The following MAP2K5 variants were observed in gnomAD, a reference collection of about 807,000 sequenced individuals.
MAP2K5 encodes dual specificity mitogen-activated protein kinase kinase 5.
MAP2K5 carries 49 observed loss-of-function variants against 83.1 expected under a neutral mutation model. The ratio of observed to expected loss-of-function variants is 0.59; its 90% CI spans 0.47 to 0.75. The LOEUF is 0.75. Ranked by LOEUF, MAP2K5 falls within the 30% of genes least tolerant of loss-of-function variation. MAP2K5 has a pLI of 0.00. For missense variants in MAP2K5, 457 were observed against 557.5 expected (o/e 0.82, Z 1.82); for synonymous variants, 202 against 191.8 (o/e 1.05, Z -0.44).
chr15:67,689,151 A>C (rs1228982735), intron 13 of MAP2K5, among the ~76,000 whole-genome samples: 1 of 152,170 alleles, frequency 6.6e-6, no homozygotes, highest in Non-Finnish European at 1.5e-5. Context: ...TTGACTCGGG[A>C]GGCTGAGGCA....
intron 9 of MAP2K5, chr15:67,641,553 G>A: frequency 7.0e-6 from 7 of 997,158 alleles, no homozygotes; most frequent in Non-Finnish European, 8.5e-6. Context: ...TTTAAATTGA[G>A]CACAGAGTAA....
At position 67,772,728 on chromosome 15, in the gene MAP2K5, A is replaced by C; in HGVS notation, c.1218A>C (p.Glu406Asp). Residue 406 changes from glutamate (E) to aspartate (D), a missense_variant, in exon 21 of 22, where the codon GAA (glutamate) becomes GAC (aspartate). Transcript: ENST00000178640. ...ITQCMRKQPK[E>D]RPAPEELMGH... ...ATAGTATGCGAAAACAGCCAAAAGAAAGGCCAGCACCTGAAGAATTGATGG... is the reference window on the plus strand; with the variant it reads ...ATAGTATGCGAAAACAGCCAAAAGACAGGCCAGCACCTGAAGAATTGATGG... 6.2e-7 allele frequency: 1 copy of C among 1,604,642 alleles called. No homozygotes were observed. The highest frequency in any genetic ancestry group is 8.5e-7 in the Non-Finnish European group (1 of 1,175,528).
chr15:67,686,584 C>T lies in MAP2K5; in HGVS notation c.848-5895C>T, dbSNP rs1466353978. 3.3e-5 allele frequency among the ~76,000 whole-genome samples: 5 copies of T among 150,954 alleles called. No homozygotes were observed. The South Asian group carries it at 1.0e-3, about 32-fold the overall frequency. On this transcript the variant is annotated intron_variant, in intron 13 of 21. Transcript: ENST00000178640. The stretch of plus-strand genomic sequence containing the variant: ...CATCACTGCACTCCAGCCTGGGCAA[C>T]AGAGTGAGACTGTGTCTCAAATAAT...
chr15:67,670,312 CAG>C, intron 13 of MAP2K5: 1 of 425,414 alleles, frequency 2.4e-6, no homozygotes, highest in South Asian at 1.7e-5. Context: ...GGTTGACAAA[CAG>C]TGGAGGAGGA....
chr15:67,739,062 G>A (rs556168212), intron 17 of MAP2K5, among the ~76,000 whole-genome samples: 1 of 151,970 alleles, frequency 6.6e-6, no homozygotes, highest in South Asian at 2.1e-4. Context: ...GGAGACTCAC[G>A]TGAGCCCAGG....
chr15:67,806,741 G>C lies in MAP2K5; in HGVS notation c.1338G>C (p.Gly446=). 6.4e-7 allele frequency: 1 copy of C among 1,554,354 alleles called. No homozygotes were observed. The highest frequency in any genetic ancestry group is 2.4e-5 in the East Asian group (1 of 41,464). ...TGGAGGAGAGGCGGAGCCAGCAGGG[G>C]CCCCCGTGAGGCTGCCGCAGGGCAC... ...RALEERRSQQ[G]PP Residue 446 remains glycine (G), a synonymous_variant, in exon 22 of 22, where the codon GGG becomes GGC. Transcript: ENST00000178640.
intron 8 of MAP2K5, among the ~76,000 whole-genome samples, chr15:67,624,679 G>A (rs1036530399): frequency 6.6e-6 from 1 of 151,642 alleles, no homozygotes; most frequent in Non-Finnish European, 1.5e-5. Context: ...TCCCAGGCTG[G>A]AGTGCAGTGG....
In MAP2K5 at chr15:67,719,358, A is replaced by G. The variant is rs2088900134; in HGVS notation, c.1045-8558A>G. 6.6e-6 allele frequency among the ~76,000 whole-genome samples: 1 copy of G among 152,216 alleles called. No individual in the cohort carries two copies. Among genetic ancestry groups the G allele is most frequent in the Non-Finnish European group, 1.5e-5 (1 of 68,038 alleles). On this transcript the variant is annotated intron_variant, in intron 16 of 21. Coordinates refer to ENST00000178640, the MANE Select transcript of MAP2K5 (RefSeq NM_145160.3). This position sits in a 1 kb window ranked among gnomAD's most constrained non-coding sequence, Gnocchi z 4.6. ...CAAACCAGGCACCTCCAGGTTGACC[A>G]GTCTCCAGGAGAGATCAGCATCAGG...
intron 13 of MAP2K5, among the ~76,000 whole-genome samples, chr15:67,678,895 C>T (rs1383173744): frequency 2.9e-5 from 4 of 137,516 alleles, no homozygotes; most frequent in African/African-American, 5.5e-5. Context: ...ACCTGAGAGT[C>T]GGAGGTTGCA....
At chr15:67,633,989 A>G (rs2086532704) in intron 9 of MAP2K5, among the ~76,000 whole-genome samples, 1 of 152,116 alleles carries the variant, frequency 6.6e-6, no homozygotes, top group Non-Finnish European at 1.5e-5. Context: ...CACCCTTCCT[A>G]TAACTTAAAT....
At position 67,647,821 on chromosome 15, in the gene MAP2K5, A is replaced by G. The variant is rs140276837; in HGVS notation, c.736+1352A>G. Among the ~76,000 whole-genome samples the G allele has an allele frequency of 1.1e-3, 174 of 152,114 alleles. 3 individuals carry two copies. In the East Asian group the frequency reaches 0.03, roughly 26 times the overall value. On this transcript the variant is annotated intron_variant, in intron 11 of 21. Transcript: ENST00000178640. ...GAGGTGGAGGTTGCAGTGAACCAAG[A>G]TCGCGCCACTGCACTCCACCCTGGG... is the stretch of plus-strand genomic sequence containing the variant.
At chr15:67,804,605 C>T (rs2090765390) in intron 21 of MAP2K5, among the ~76,000 whole-genome samples, 1 of 152,224 alleles carries the variant, frequency 6.6e-6, no homozygotes, top group South Asian at 2.1e-4. Context: ...CGCCTCTACG[C>T]TCCCTCCTGC....
chr15:67,784,495 G>A (rs575782476), intron 21 of MAP2K5, among the ~76,000 whole-genome samples: 11 of 152,324 alleles, frequency 7.2e-5, no homozygotes, highest in Non-Finnish European at 1.3e-4. Context: ...CCACCTTGAT[G>A]CCACAGGCTG....
At chr15:67,609,645 G>A (rs28479517) in intron 8 of MAP2K5, among the ~76,000 whole-genome samples, 442 of 2,184 alleles carry the variant, frequency 0.2, 148 homozygotes, top group Non-Finnish European at 0.36. Flanking sequence ...CTATAGGTCT[G>A]TAGATTCTGT....
chr15:67,648,480 A>G (rs1290425207), intron 11 of MAP2K5, among the ~76,000 whole-genome samples: 2 of 152,018 alleles, frequency 1.3e-5, no homozygotes, highest in Non-Finnish European at 2.9e-5. Context: ...TCATTAGTTG[A>G]TGGACATTTG....
intron 13 of MAP2K5, among the ~76,000 whole-genome samples, chr15:67,683,708 C>T (rs1313986095): frequency 2.0e-5 from 3 of 151,938 alleles, no homozygotes; most frequent in Non-Finnish European, 2.9e-5. Context: ...GGCAGTGAGC[C>T]GAGATCGCGC....
chr15:67,553,922 A>C, intron 2 of MAP2K5, among the ~76,000 whole-genome samples: 1 of 113,600 alleles, frequency 8.8e-6, no homozygotes, highest in African/African-American at 4.2e-5. Context: ...TCCATCTCAA[A>C]AAAAAAAAAA....
chr15:67,712,165 A>T (rs1291389357), intron 16 of MAP2K5, among the ~76,000 whole-genome samples: 1 of 152,142 alleles, frequency 6.6e-6, no homozygotes, highest in Non-Finnish European at 1.5e-5. Flanking sequence ...GAGACCTCCC[A>T]CCCTGTTCCT....
chr15:67,661,528 G>A (rs1005297224), intron 12 of MAP2K5, among the ~76,000 whole-genome samples: 24 of 152,050 alleles, frequency 1.6e-4, no homozygotes, highest in African/African-American at 5.3e-4. Flanking sequence ...CAGATTTCTA[G>A]CTCCTTTTTC....
Sources: gnomAD v4.1 joint callset for allele counts (sites outside exome capture counted in the v4.1 genomes callset) on GRCh38, gnomAD v4.1.1 for gene constraint, Gnocchi (gnomAD v3.1) non-coding constraint, MANE v1.5 for transcripts, NCBI Gene and HGNC (gene_info 2026-07-23, HGNC 2026-07-21) for gene names.